Variants in CCDC158 observed in about 807,000 individuals in gnomAD.
CCDC158 encodes coiled-coil domain containing 158.
CCDC158 carries 116 observed loss-of-function variants against 138.6 expected under a neutral mutation model. That is an observed-to-expected ratio of 0.84 (90% CI 0.72 to 0.98). CCDC158 has a LOEUF of 0.98. CCDC158 is among the 50% of genes least tolerant of loss of function. The probability of loss-of-function intolerance (pLI) is 0.00; values close to 1 mark genes in which losing one functional copy is unlikely to be tolerated. For synonymous variants in CCDC158, 436 were observed against 442.4 expected, an observed-to-expected ratio of 0.99 and a Z score of 0.18; for missense variants, 1,265 against 1,306.1, an observed-to-expected ratio of 0.97 and a Z score of 0.48.
At chr4:76,322,461 G>GC (rs1258241388) in intron 24 of CCDC158, among the ~76,000 whole-genome samples, 1 of 152,138 alleles carries the variant, frequency 6.6e-6, no homozygotes, top group Admixed American at 6.6e-5. Context: ...TGAAGAAAAC[G>GC]CAAGTGAAGC....
At chr4:76,351,882 A>T in intron 16 of CCDC158, 70 bp from the exon 17 acceptor site, 1 of 900,812 alleles carries the variant, frequency 1.1e-6, no homozygotes, top group Non-Finnish European at 1.8e-6. Context: ...TAACCTATGA[A>T]TGCAGAGCTG....
intron 4 of CCDC158, among the ~76,000 whole-genome samples, chr4:76,395,431 C>A (rs1387235023): frequency 6.6e-6 from 1 of 152,024 alleles, no homozygotes; most frequent in East Asian, 1.9e-4. Context: ...CTAAATACTG[C>A]AATAAATGTG....
intron 4 of CCDC158, among the ~76,000 whole-genome samples, chr4:76,395,115 G>A (rs571218043): frequency 6.6e-6 from 1 of 152,210 alleles, no homozygotes; most frequent in South Asian, 2.1e-4. Context: ...TACTCTGTTA[G>A]GGGATAAACA....
chr4:76,386,860 G>A (rs1303138377), intron 4 of CCDC158, among the ~76,000 whole-genome samples: 1 of 152,212 alleles, frequency 6.6e-6, no homozygotes, highest in South Asian at 2.1e-4. Flanking sequence ...GCTGAGCTTA[G>A]AGGGAGCATT....
At chr4:76,394,252 G>T (rs1273371844) in intron 4 of CCDC158, among the ~76,000 whole-genome samples, 2 of 152,118 alleles carry the variant, frequency 1.3e-5, no homozygotes, top group Admixed American at 1.3e-4. Flanking sequence ...CAGATGAATG[G>T]ATATAGAAAA....
intron 1 of CCDC158, among the ~76,000 whole-genome samples, chr4:76,415,617 T>A (rs1000279588): frequency 7.9e-5 from 12 of 152,324 alleles, no homozygotes; most frequent in African/African-American, 2.4e-4. Flanking sequence ...GCAATTATTC[T>A]TTATTCCAAT....
chr4:76,323,273 G>A (rs769677735), intron 24 of CCDC158, 29 bp downstream of exon 24: 2 of 1,487,366 alleles, frequency 1.3e-6, no homozygotes, highest in South Asian at 1.2e-5. Flanking sequence ...CATGAGCGAG[G>A]AAGATCTCTC....
chr4:76,321,692 A>G (rs1345530645), intron 24 of CCDC158, among the ~76,000 whole-genome samples: 1 of 146,308 alleles, frequency 6.8e-6, no homozygotes, highest in Non-Finnish European at 1.5e-5. Flanking sequence ...ATATATTTAC[A>G]TGGTGTGTGT....
chr4:76,382,397 A>C (rs1305504223), intron 8 of CCDC158, among the ~76,000 whole-genome samples: 1 of 152,222 alleles, frequency 6.6e-6, no homozygotes, highest in Non-Finnish European at 1.5e-5. Flanking sequence ...AGCCAATCCC[A>C]GGAGCCCCAA....
Position 76,367,601 on chromosome 4 carries a change from T to G in CCDC158, c.1523A>C (p.Lys508Thr). The change falls in exon 12 of 25, where the codon AAA (lysine) becomes ACA (threonine). Residue 508 changes from lysine (K) to threonine (T), a missense_variant. Physicochemically the swap from Lys to Thr is moderately conservative, Grantham distance 78 (BLOSUM62 -1). Coordinates refer to ENST00000682701, the MANE Select transcript of CCDC158 (RefSeq NM_001394954.1). ...ATTGGTAGCCTCGATGGCTCTCTCTTTTTCCTGGAGAGAAGTTGTCAGGTC... is the reference window on the plus strand; with the variant it reads ...ATTGGTAGCCTCGATGGCTCTCTCTGTTTCCTGGAGAGAAGTTGTCAGGTC... ...ISDLTTSLQE[K>T]ERAIEATNAE... 1 of 1,614,170 alleles carries G rather than the reference T, an allele frequency of 6.2e-7. No homozygotes were observed. The highest frequency in any genetic ancestry group is 8.5e-7 in the Non-Finnish European group (1 of 1,180,032).
intron 2 of CCDC158, among the ~76,000 whole-genome samples, chr4:76,403,950 AT>A (rs1728611873): frequency 6.6e-6 from 1 of 152,178 alleles, no homozygotes; most frequent in Non-Finnish European, 1.5e-5. Context: ...AGATAAATTC[AT>A]CCCCAGAGGT....
At chr4:76,415,253 G>A (rs1729600221) in intron 1 of CCDC158, among the ~76,000 whole-genome samples, 1 of 152,170 alleles carries the variant, frequency 6.6e-6, no homozygotes, top group Non-Finnish European at 1.5e-5. Context: ...AGATGATTTA[G>A]GGTATCTGGC....
At chr4:76,403,960 G>A (rs1728613205) in intron 2 of CCDC158, among the ~76,000 whole-genome samples, 1 of 152,120 alleles carries the variant, frequency 6.6e-6, no homozygotes, top group Non-Finnish European at 1.5e-5. Flanking sequence ...ATCCCCAGAG[G>A]TGAAAAAGTA....
chr4:76,349,987 C>T (rs1373022429), intron 18 of CCDC158, among the ~76,000 whole-genome samples: 1 of 152,126 alleles, frequency 6.6e-6, no homozygotes, highest in Non-Finnish European at 1.5e-5. Flanking sequence ...GACTCCTGGT[C>T]AAATGTTCTT....
intron 9 of CCDC158, among the ~76,000 whole-genome samples, chr4:76,377,765 C>T (rs1332070800): frequency 1.3e-5 from 2 of 152,106 alleles, no homozygotes; most frequent in South Asian, 2.1e-4. Flanking sequence ...TGCTCAGAGG[C>T]GGCACTGGTT....
intron 13 of CCDC158, among the ~76,000 whole-genome samples, chr4:76,361,486 CG>C (rs1395875575): frequency 6.6e-6 from 1 of 152,106 alleles, no homozygotes; most frequent in Admixed American, 6.5e-5. Flanking sequence ...GGCATGAACC[CG>C]GGAGGCGGAG....
chr4:76,320,875 C>T (rs1719929209), intron 24 of CCDC158, among the ~76,000 whole-genome samples: 1 of 152,090 alleles, frequency 6.6e-6, no homozygotes, highest in Admixed American at 6.5e-5. Flanking sequence ...ACCAAGAACC[C>T]AAAAGCAAAT....
intron 12 of CCDC158, among the ~76,000 whole-genome samples, chr4:76,363,180 C>A (rs1033977535): frequency 6.6e-6 from 1 of 152,126 alleles, no homozygotes; most frequent in African/African-American, 2.4e-5. Context: ...GGTAGAGGGG[C>A]CTATGGGACC....
chr4:76,414,274 T>A (rs1729519735), intron 1 of CCDC158: 1 of 152,240 alleles, frequency 6.6e-6, no homozygotes, highest in African/African-American at 2.4e-5. Context: ...ATCCCAAATC[T>A]GCTCTTTTCA....
Sources: allele counts gnomAD v4.1 joint callset (sites outside exome capture counted in the v4.1 genomes callset), GRCh38; gene constraint gnomAD v4.1.1; transcripts MANE v1.5; gene names NCBI Gene and HGNC (gene_info 2026-07-23, HGNC 2026-07-21).